PTP4A1: variants seen among roughly 807,000 people sequenced by gnomAD.
PTP4A1 encodes the protein protein tyrosine phosphatase type IVA 1.
Under a neutral mutation model 20.5 loss-of-function variants are expected in PTP4A1, and 9 were observed. That is an observed-to-expected ratio of 0.44 (90% CI 0.26 to 0.77). The LOEUF (loss-of-function observed/expected upper bound fraction) is 0.77. PTP4A1 is among the 30% of genes least tolerant of loss of function. The probability of loss-of-function intolerance (pLI) is 0.19; values close to 1 mark genes in which losing one functional copy is unlikely to be tolerated. For missense variants in PTP4A1, 137 were observed against 218.8 expected, an observed-to-expected ratio of 0.63 and a Z score of 2.36; for synonymous variants, 78 against 67.4, an observed-to-expected ratio of 1.16 and a Z score of -0.77.
intron 1 of PTP4A1, among the ~76,000 whole-genome samples, chr6:63,522,488 A>G (rs1188143563): frequency 6.6e-6 from 1 of 152,204 alleles, no homozygotes; most frequent in Non-Finnish European, 1.5e-5. Context: ...CACCCTCGCC[A>G]AGACTGTATC....
chr6:63,550,226 C>T (rs1776377344), intron 2 of PTP4A1: 1 of 151,888 alleles, frequency 6.6e-6, no homozygotes, highest in Non-Finnish European at 1.5e-5. Context: ...TTCATGAGCC[C>T]CTCCCTGGAT....
At chr6:63,561,915 A>G (rs572363602) in intron 3 of PTP4A1, among the ~76,000 whole-genome samples, 35 of 152,320 alleles carry the variant, frequency 2.3e-4, no homozygotes, top group African/African-American at 8.2e-4. Flanking sequence ...TGCAGAGAGT[A>G]CAATAAGGCT....
chr6:63,543,564 T>G (rs1776067302), intron 2 of PTP4A1, among the ~76,000 whole-genome samples: 1 of 152,236 alleles, frequency 6.6e-6, no homozygotes, highest in Non-Finnish European at 1.5e-5. Context: ...TATGTATTCA[T>G]AAGGCAGAGT....
At chr6:63,545,214 C>A (rs910523714) in intron 2 of PTP4A1, among the ~76,000 whole-genome samples, 26 of 152,142 alleles carry the variant, frequency 1.7e-4, no homozygotes, top group African/African-American at 5.1e-4. Flanking sequence ...AGATTTGGGG[C>A]AACTGGAAGT....
chr6:63,574,368 G>A (rs952208206), intron 1 of PTP4A1, among the ~76,000 whole-genome samples: 22 of 124,644 alleles, frequency 1.8e-4, no homozygotes, highest in South Asian at 5.1e-4. Context: ...TAGGTGGGAG[G>A]GAAAAAATCC....
chr6:63,555,703 T>C (rs1475233269), intron 3 of PTP4A1, among the ~76,000 whole-genome samples: 1 of 151,464 alleles, frequency 6.6e-6, no homozygotes, highest in African/African-American at 2.4e-5. Context: ...TTTTTTTTTT[T>C]TTTTTTTTGA....
intron 1 of PTP4A1, among the ~76,000 whole-genome samples, chr6:63,575,760 TAAC>T (rs781162573): frequency 8.9e-4 from 136 of 152,300 alleles, no homozygotes; most frequent in Admixed American, 1.8e-3. Context: ...ATATTTCACA[TAAC>T]AAGTTGATTT....
At chr6:63,567,062 T>G (rs946018182) in intron 3 of PTP4A1, among the ~76,000 whole-genome samples, 1 of 152,208 alleles carries the variant, frequency 6.6e-6, no homozygotes, top group Non-Finnish European at 1.5e-5. Context: ...CTAACTCCAA[T>G]TGTCTTGCTA....
At chr6:63,533,822 A>G (rs977455861) in intron 2 of PTP4A1, among the ~76,000 whole-genome samples, 8 of 143,102 alleles carry the variant, frequency 5.6e-5, no homozygotes, top group Non-Finnish European at 9.1e-5. Context: ...CAAATTCCTG[A>G]ACAAACTTTT....
chr6:63,537,965 C>T (rs899866870), intron 2 of PTP4A1, among the ~76,000 whole-genome samples: 3 of 152,192 alleles, frequency 2.0e-5, no homozygotes, highest in African/African-American at 7.2e-5. Flanking sequence ...GTGTCACAGA[C>T]AAATTTCACT....
chr6:63,564,786 A>G (rs373296661), intron 3 of PTP4A1, among the ~76,000 whole-genome samples: 2 of 152,192 alleles, frequency 1.3e-5, no homozygotes, highest in South Asian at 2.1e-4. Flanking sequence ...TCAATTCCCA[A>G]ATGATTTTTA....
At chr6:63,577,979 AC>A (rs1182455070) in intron 2 of PTP4A1, among the ~76,000 whole-genome samples, 1 of 107,494 alleles carries the variant, frequency 9.3e-6, no homozygotes, top group Non-Finnish European at 1.8e-5. Flanking sequence ...TGTAGTTAAG[AC>A]TTCATTCAAT....
In PTP4A1 at chr6:63,583,325, T is replaced by C. The variant is rs1778367783; in HGVS notation, c.*3151T>C. 1 of 152,240 alleles carries C rather than the reference T, an allele frequency of 6.6e-6. No homozygotes were observed. Among genetic ancestry groups the C allele is most frequent in the African/African-American group, 2.4e-5 (1 of 41,458 alleles). The allele number at this position is 152,240 out of a possible 1,614,324, so 9.4% of individuals were successfully genotyped here. ...GCTTCCTTAAATTAATATGTTTGTG[T>C]GTATATATGTGCCTCACACCTGAAT... On this transcript the variant is annotated 3_prime_UTR_variant, in exon 6 of 6. Transcript: ENST00000626021.
chr6:63,555,754 C>A (rs968024543), intron 3 of PTP4A1, among the ~76,000 whole-genome samples: 2 of 146,864 alleles, frequency 1.4e-5, no homozygotes, highest in Non-Finnish European at 3.0e-5. Flanking sequence ...AGTGCAATGG[C>A]GTGATCCCGG....
intron 1 of PTP4A1, chr6:63,521,894 A>G (rs1456462146): frequency 2.6e-5 from 4 of 152,220 alleles, no homozygotes; most frequent in African/African-American, 9.7e-5. Flanking sequence ...GAACAATGGG[A>G]ATCTTATAAA....
rs567540665 is a variant in PTP4A1, at chr6:63,566,972, C to T, written c.-445-9464C>T. ...TCTCAAGAAACCACTCTCTTTTCTCCTTCATAAGAAGCAACTCCTCATTCA... is the reference window on the plus strand; with the variant it reads ...TCTCAAGAAACCACTCTCTTTTCTCTTTCATAAGAAGCAACTCCTCATTCA... On this transcript the variant is annotated intron_variant, in intron 3 of 3. Transcript: ENST00000639568. Among the ~76,000 whole-genome samples the T allele has an allele frequency of 3.9e-4, 60 of 152,314 alleles. No homozygotes were observed. The South Asian group carries it at 4.3e-3, about 11-fold the overall frequency.
At chr6:63,549,760 T>C (rs1223310842) in intron 2 of PTP4A1, among the ~76,000 whole-genome samples, 4 of 151,528 alleles carry the variant, frequency 2.6e-5, no homozygotes, top group Non-Finnish European at 5.9e-5. Context: ...AAAAAAAAAG[T>C]TGATCTTATA....
intron 1 of PTP4A1, among the ~76,000 whole-genome samples, chr6:63,575,128 A>G (rs1407207087): frequency 3.3e-5 from 5 of 152,246 alleles, no homozygotes; most frequent in African/African-American, 1.2e-4. Flanking sequence ...AACTATAACT[A>G]GCATGGGACT....
intron 2 of PTP4A1, among the ~76,000 whole-genome samples, chr6:63,547,836 C>A (rs1310683199): frequency 1.3e-5 from 2 of 152,118 alleles, no homozygotes; most frequent in Non-Finnish European, 2.9e-5. Flanking sequence ...TAATGCTACA[C>A]AGACCCCAGA....
Sources: gnomAD v4.1 joint callset for allele counts (sites outside exome capture counted in the v4.1 genomes callset) on GRCh38, gnomAD v4.1.1 for gene constraint, MANE v1.5 for transcripts, NCBI Gene and HGNC (gene_info 2026-07-23, HGNC 2026-07-21) for gene names.